Variants in CNTN4 observed in about 807,000 individuals in gnomAD.
CNTN4 encodes contactin-4.
CNTN4 carries 77 observed loss-of-function variants against 122.5 expected under a neutral mutation model. That is an observed-to-expected ratio of 0.63 (90% CI 0.52 to 0.76). The LOEUF is 0.76. Ranked by LOEUF, CNTN4 falls within the 30% of genes least tolerant of loss-of-function variation. The pLI is 0.00. For missense variants in CNTN4, 1,256 were observed against 1,259.1 expected (o/e 1.00, Z 0.04); for synonymous variants, 512 against 447.0 (o/e 1.15, Z -1.83).
At chr3:2,574,174 C>T (rs960357674) in intron 4 of CNTN4, among the ~76,000 whole-genome samples, 2 of 152,188 alleles carry the variant, frequency 1.3e-5, no homozygotes, top group Admixed American at 6.5e-5. Context: ...CGAGATCACG[C>T]CACTGCACTC....
intron 2 of CNTN4, among the ~76,000 whole-genome samples, chr3:2,124,544 T>C (rs2034019064): frequency 6.6e-6 from 1 of 151,564 alleles, no homozygotes; most frequent in Non-Finnish European, 1.5e-5. Flanking sequence ...GGAGGACCAC[T>C]TGAGCCCAGG....
At chr3:2,567,287 CGT>C (rs1251844450) in intron 3 of CNTN4, among the ~76,000 whole-genome samples, 2 of 151,982 alleles carry the variant, frequency 1.3e-5, no homozygotes, top group African/African-American at 4.8e-5. Flanking sequence ...GGGGTTTTGC[CGT>C]GTTAGCCAGG....
At chr3:2,172,497 C>T (rs1377560370) in intron 2 of CNTN4, among the ~76,000 whole-genome samples, 1 of 151,996 alleles carries the variant, frequency 6.6e-6, no homozygotes, top group Admixed American at 6.5e-5. Context: ...GAAATCACCA[C>T]TGAAGGACTT....
chr3:2,421,415 C>G (rs540107941), intron 3 of CNTN4, among the ~76,000 whole-genome samples: 1 of 152,182 alleles, frequency 6.6e-6, no homozygotes, highest in Non-Finnish European at 1.5e-5. Context: ...CCATGCCCAG[C>G]TAATTTTTGT....
chr3:2,606,158 T>C (rs953899464), intron 4 of CNTN4, among the ~76,000 whole-genome samples: 4 of 152,170 alleles, frequency 2.6e-5, no homozygotes, highest in African/African-American at 7.2e-5. Context: ...TGGTTCTGTA[T>C]TGATAGGGAG....
intron 7 of CNTN4, among the ~76,000 whole-genome samples, chr3:2,857,429 A>C (rs867848373): frequency 6.6e-6 from 1 of 152,260 alleles, no homozygotes; most frequent in East Asian, 1.9e-4. Flanking sequence ...TAAAATACCA[A>C]ATTTTTAACA....
At chr3:2,389,810 G>A (rs67971733) in intron 3 of CNTN4, among the ~76,000 whole-genome samples, 24,699 of 152,016 alleles carry the variant, frequency 0.16, 2,438 homozygotes, top group Middle Eastern at 0.26. Flanking sequence ...GCTTGTTGAT[G>A]GGTTGCACTA....
intron 2 of CNTN4, among the ~76,000 whole-genome samples, chr3:2,126,317 G>A (rs923280487): frequency 3.3e-5 from 5 of 151,998 alleles, no homozygotes; most frequent in South Asian, 4.1e-4. Flanking sequence ...TTGTCTCTGC[G>A]CCCAGTACAT....
chr3:2,504,296 T>G (rs910727993), intron 3 of CNTN4, among the ~76,000 whole-genome samples: 2 of 152,138 alleles, frequency 1.3e-5, no homozygotes, highest in Admixed American at 1.3e-4. Context: ...CAAGAAGAAG[T>G]GAAGTTCACA....
At chr3:2,822,119 C>T (rs551787955) in intron 7 of CNTN4, among the ~76,000 whole-genome samples, 1 of 152,174 alleles carries the variant, frequency 6.6e-6, no homozygotes, top group Non-Finnish European at 1.5e-5. Flanking sequence ...TTTTTGAAGA[C>T]TGACAGAAAA....
intron 23 of CNTN4, among the ~76,000 whole-genome samples, chr3:3,044,248 CA>C (rs930059172): frequency 1.3e-5 from 2 of 152,098 alleles, no homozygotes; most frequent in African/African-American, 4.8e-5. Flanking sequence ...TTGCAGCAAT[CA>C]AAAAGGGTTA....
Position 2,300,776 on chromosome 3 carries a change from G to A in CNTN4, c.-144-38402G>A, listed in dbSNP as rs183493692. Reference sequence around the variant, plus strand: ...CGTAGAGATGGGGTTTCACCATGTTGGCCAGGATGGTCTCCATCAACAGAC... The same window carrying A: ...CGTAGAGATGGGGTTTCACCATGTTAGCCAGGATGGTCTCCATCAACAGAC... On this transcript the variant is annotated intron_variant, in intron 2 of 24. Coordinates refer to ENST00000418658, the MANE Select transcript of CNTN4 (RefSeq NM_175607.3). Among the ~76,000 whole-genome samples the A allele has an allele frequency of 3.2e-3, 483 of 151,700 alleles. 3 individuals carry two copies. The highest frequency in any genetic ancestry group is 0.01 in the Middle Eastern group (3 of 294).
intron 3 of CNTN4, among the ~76,000 whole-genome samples, chr3:2,559,858 G>C (rs2078876212): frequency 6.6e-6 from 1 of 152,164 alleles, no homozygotes; most frequent in African/African-American, 2.4e-5. Context: ...AATAAACCTA[G>C]AAAATGAAGA....
chr3:2,272,889 C>T lies in CNTN4; in HGVS notation c.-144-66289C>T, dbSNP rs114331188. On this transcript the variant is annotated intron_variant, in intron 2 of 24. Coordinates refer to ENST00000418658, the MANE Select transcript of CNTN4 (RefSeq NM_175607.3). ...CTCTCAGATGCTGCTTTTGTAATAT[C>T]GCATGGTCAAATCAAGCCCTATCAA... 5.2e-3 allele frequency among the ~76,000 whole-genome samples: 794 copies of T among 151,892 alleles called. 6 individuals carry two copies. The highest frequency in any genetic ancestry group is 0.018 in the African/African-American group (760 of 41,438).
chr3:2,927,035 A>G (rs1471938726), intron 13 of CNTN4, among the ~76,000 whole-genome samples: 2 of 152,212 alleles, frequency 1.3e-5, no homozygotes, highest in African/African-American at 4.8e-5. Flanking sequence ...TTTAATAGCT[A>G]TGTACTTACT....
At chr3:2,472,604 T>G (rs948336081) in intron 3 of CNTN4, among the ~76,000 whole-genome samples, 2 of 151,994 alleles carry the variant, frequency 1.3e-5, no homozygotes, top group African/African-American at 4.8e-5. Context: ...GCAATAAAGG[T>G]GATAGATAAC....
At chr3:2,779,821 A>T (rs1230891603) in intron 6 of CNTN4, among the ~76,000 whole-genome samples, 1 of 152,228 alleles carries the variant, frequency 6.6e-6, no homozygotes, top group African/African-American at 2.4e-5. Flanking sequence ...GAGGGGGAAA[A>T]TTCTTAGGAT....
chr3:2,498,125 A>G (rs1180197231), intron 3 of CNTN4, among the ~76,000 whole-genome samples: 1 of 152,152 alleles, frequency 6.6e-6, no homozygotes, highest in Non-Finnish European at 1.5e-5. Flanking sequence ...ATCTTTATGT[A>G]TTTTTGCAAA....
chr3:2,559,205 C>T (rs777531285), intron 3 of CNTN4, among the ~76,000 whole-genome samples: 1 of 152,170 alleles, frequency 6.6e-6, no homozygotes, highest in Non-Finnish European at 1.5e-5. Context: ...ACTAAGGATT[C>T]TGGATCCATG....
Sources: allele counts gnomAD v4.1 joint callset (sites outside exome capture counted in the v4.1 genomes callset), GRCh38; gene constraint gnomAD v4.1.1; transcripts MANE v1.5; gene names NCBI Gene and HGNC (gene_info 2026-07-23, HGNC 2026-07-21).